The following TMC5 variants were observed in gnomAD, a reference collection of about 807,000 sequenced individuals.
TMC5 encodes the protein transmembrane channel like 5, also known as transmembrane channel-like protein 5.
TMC5 carries 86 observed loss-of-function variants against 110.5 expected under a neutral mutation model. The ratio of observed to expected loss-of-function variants is 0.78; its 90% confidence interval spans 0.65 to 0.93. The LOEUF is 0.93. TMC5 is among the 40% of genes least tolerant of loss of function. TMC5 has a pLI of 0.00. For missense variants in TMC5, 1,144 were observed against 1,222.8 expected (o/e 0.94, Z 0.96); for synonymous variants, 455 against 439.5 (o/e 1.04, Z -0.44).
chr16:19,464,410 C>G (rs1013549923), intron 8 of TMC5, among the ~76,000 whole-genome samples: 1 of 152,136 alleles, frequency 6.6e-6, no homozygotes, highest in African/African-American at 2.4e-5. Context: ...GGCAACAGAG[C>G]GAGGCCTTGT....
At chr16:19,472,337 G>T (rs1968365407) in intron 11 of TMC5, 94 bp downstream of exon 11, 1 of 1,417,102 alleles carries the variant, frequency 7.1e-7, no homozygotes, top group Admixed American at 1.8e-5. Context: ...TTCAACCCAG[G>T]ATCTATGGCC....
In TMC5 at chr16:19,419,402, G is replaced by GTTTTTTTTTTTTTT. The variant is rs55696911; in HGVS notation, c.-308+1325_-308+1338dup. 1.7e-4 allele frequency among the ~76,000 whole-genome samples: 11 copies of GTTTTTTTTTTTTTT among 65,650 alleles called. 2 individuals are homozygous for GTTTTTTTTTTTTTT. Among genetic ancestry groups the GTTTTTTTTTTTTTT allele is most frequent in the Admixed American group, 4.9e-4 (2 of 4,116 alleles). The allele number at this position is 65,650 out of a possible 152,430, so 43.1% of individuals were successfully genotyped here. A position where few individuals can be genotyped will look rare whatever the true frequency, so the allele number is the denominator to read the frequency against. ...AAGCTCAGTGGAAATGAATGTGTTGGTTTTTTTTTTTTTTTTTTTTTTTTT... is the reference window on the plus strand; with the variant it reads ...AAGCTCAGTGGAAATGAATGTGTTGGTTTTTTTTTTTTTTTTTTTTTTTTTTTTTTTTTTTTTTT... On this transcript the variant is annotated intron_variant, in intron 1 of 21. Coordinates refer to ENST00000542583, the MANE Select transcript of TMC5 (RefSeq NM_001261841.2).
At chr16:19,440,873 T>C in intron 3 of TMC5, 47 bp downstream of exon 3, 4 of 1,554,320 alleles carry the variant, frequency 2.6e-6, no homozygotes, top group Non-Finnish European at 3.5e-6. Context: ...TGCTGAGTGC[T>C]GAATCATTAA....
At chr16:19,449,076 C>T (rs1303344644) in intron 4 of TMC5, among the ~76,000 whole-genome samples, 1 of 151,836 alleles carries the variant, frequency 6.6e-6, no homozygotes, top group Non-Finnish European at 1.5e-5. Context: ...TGGTCTCGAT[C>T]TCCTGACCTC....
chr16:19,463,210 A>G (rs1968072855), intron 6 of TMC5, 70 bp from the exon 7 acceptor site: 2 of 1,200,534 alleles, frequency 1.7e-6, no homozygotes, highest in Admixed American at 3.4e-5. Context: ...ATGAGCCACC[A>G]TGTAACTATT....
chr16:19,493,732 A>G (rs1400013653), intron 19 of TMC5, among the ~76,000 whole-genome samples: 1 of 152,198 alleles, frequency 6.6e-6, no homozygotes, highest in Non-Finnish European at 1.5e-5. Flanking sequence ...AAGTGCTGGG[A>G]TTACAGGCGT....
chr16:19,448,304 G>GCACACACA (rs35504788), intron 4 of TMC5, among the ~76,000 whole-genome samples: 36 of 142,188 alleles, frequency 2.5e-4, no homozygotes, highest in Admixed American at 1.0e-3. Flanking sequence ...ACACACACAC[G>GCACACACA]CACACACACA....
chr16:19,434,493 T>TAC (rs370261560), intron 2 of TMC5, among the ~76,000 whole-genome samples: 1 of 133,568 alleles, frequency 7.5e-6, no homozygotes, highest in East Asian at 2.0e-4. Flanking sequence ...GATAGATAGA[T>TAC]ATAGAGAGAG....
chr16:19,470,041 C>T (rs1456584309), intron 10 of TMC5, among the ~76,000 whole-genome samples: 7 of 151,620 alleles, frequency 4.6e-5, no homozygotes, highest in Non-Finnish European at 5.9e-5. Flanking sequence ...ACTACAGGCG[C>T]CTGCCACCAT....
Position 19,492,943 on chromosome 16 carries a change from A to ATATATAT in TMC5, c.2826+715_2826+716insTATATAT, listed in dbSNP as rs61334845. Among the ~76,000 whole-genome samples the ATATATAT allele has an allele frequency of 9.5e-3, 879 of 92,062 alleles. 130 individuals carry two copies. The highest frequency in any genetic ancestry group is 0.014 in the African/African-American group (411 of 29,152). 60.4% of individuals were successfully genotyped at this position (92,062 alleles called of 152,430 possible). On this transcript the variant is annotated intron_variant, in intron 19 of 21. Transcript: ENST00000542583. ...ATATATATATATATATCTCTCTATA[A>ATATATAT]GATAAATACTTTTATTTCATTTATT...
intron 5 of TMC5, chr16:19,456,767 G>A: frequency 2.5e-6 from 4 of 1,614,080 alleles, no homozygotes; most frequent in South Asian, 1.1e-5. Flanking sequence ...TTCCTCTGGG[G>A]TCCAAAGCCA....
intron 9 of TMC5, among the ~76,000 whole-genome samples, chr16:19,468,991 C>T (rs1176765661): frequency 6.6e-6 from 1 of 151,264 alleles, no homozygotes; most frequent in East Asian, 2.0e-4. Flanking sequence ...GACCTCATCC[C>T]TAAACAAACA....
intron 5 of TMC5, 123 bp downstream of exon 5, chr16:19,449,754 G>A (rs1157539884): frequency 1.4e-5 from 11 of 801,094 alleles, no homozygotes; most frequent in Non-Finnish European, 2.1e-5. Flanking sequence ...CCCCCATGCT[G>A]TTCTCATGAT....
chr16:19,492,338 C>T, intron 19 of TMC5, 110 bp downstream of exon 19: 1 of 604,452 alleles, frequency 1.7e-6, no homozygotes, highest in African/African-American at 1.9e-5. Flanking sequence ...TCCCTGCTCT[C>T]AGCCCTAACA....
chr16:19,460,658 G>T (rs1183193228), intron 6 of TMC5, among the ~76,000 whole-genome samples: 1 of 152,134 alleles, frequency 6.6e-6, no homozygotes, highest in Non-Finnish European at 1.5e-5. Context: ...CATCCCCAAA[G>T]ATAAGTCATG....
At position 19,498,155 on chromosome 16, in the gene TMC5, G is replaced by T. The variant is rs780544286; in HGVS notation, c.*189G>T. The T allele has an allele frequency of 3.4e-6, 2 of 584,668 alleles. No homozygotes were observed. Among genetic ancestry groups the T allele is most frequent in the Non-Finnish European group, 6.1e-6 (2 of 328,800 alleles). The allele number at this position is 584,668 out of a possible 1,614,324, so 36.2% of individuals were successfully genotyped here. ...CATTCCATGCTATTTTTAATACCTG[G>T]ATTGCTGATTTTTCAAGACAAAATA... On this transcript the variant is annotated 3_prime_UTR_variant, in exon 22 of 22. Transcript: ENST00000542583.
chr16:19,494,914 G>A (rs761754423), intron 20 of TMC5, among the ~76,000 whole-genome samples: 3 of 151,842 alleles, frequency 2.0e-5, no homozygotes, highest in Non-Finnish European at 4.4e-5. Context: ...GAACTTGCAC[G>A]CTTGTTTTTC....
rs141597411 is a variant in TMC5 at position 19,493,550 on chromosome 16, T to A, written c.2827-712T>A. Among the ~76,000 whole-genome samples the A allele has an allele frequency of 2.0e-3, 303 of 151,784 alleles. 2 individuals carry two copies. The highest frequency in any genetic ancestry group is 3.3e-3 in the Non-Finnish European group (227 of 67,960). On this transcript the variant is annotated intron_variant, in intron 19 of 21. Coordinates refer to ENST00000542583, the MANE Select transcript of TMC5 (RefSeq NM_001261841.2). The stretch of plus-strand genomic sequence containing the variant: ...ATTTTGGCTCACTGCAACTTCTGCC[T>A]CCTGGGTTCAAGTGATTCTCCTGCC...
At chr16:19,485,854 T>C (rs952921858) in intron 15 of TMC5, among the ~76,000 whole-genome samples, 4 of 151,998 alleles carry the variant, frequency 2.6e-5, no homozygotes, top group Admixed American at 1.3e-4. Context: ...CGCGGGAGAG[T>C]TGTAAAGGGA....
Sources: gnomAD v4.1 joint callset for allele counts (sites outside exome capture counted in the v4.1 genomes callset) on GRCh38, gnomAD v4.1.1 for gene constraint, MANE v1.5 for transcripts, NCBI Gene and HGNC (gene_info 2026-07-23, HGNC 2026-07-21) for gene names.